Variants in LMLN observed in about 807,000 individuals in gnomAD.
LMLN encodes the protein leishmanolysin like peptidase, also known as leishmanolysin-like peptidase.
In LMLN, 70 loss-of-function variants were observed where a neutral mutation model predicts 92.3. The observed-to-expected ratio is 0.76, with a 90% CI of 0.63 to 0.92. The LOEUF (loss-of-function observed/expected upper bound fraction) is 0.92, where lower values mean the gene tolerates loss of function less well. Ranked by LOEUF, LMLN falls within the 40% of genes least tolerant of loss-of-function variation. LMLN has a pLI of 0.00. For synonymous variants in LMLN, 308 were observed against 296.2 expected (o/e 1.04, Z -0.41); for missense variants, 691 against 814.6 (o/e 0.85, Z 1.85).
At chr3:198,020,866 G>A (rs186772394) in intron 12 of LMLN, among the ~76,000 whole-genome samples, 1 of 126,478 alleles carries the variant, frequency 7.9e-6, no homozygotes, top group South Asian at 2.6e-4. Flanking sequence ...CAGGTGATCC[G>A]CCCACCTCAG....
chr3:198,024,521 A>T, intron 13 of LMLN, 137 bp from the exon 15 acceptor site: 1 of 800,888 alleles, frequency 1.2e-6, no homozygotes, highest in Non-Finnish European at 1.8e-6. Context: ...AGCCTACCCT[A>T]ATTTTTTAAA....
At chr3:198,030,729 A>G (rs1338853951) in intron 14 of LMLN, among the ~76,000 whole-genome samples, 1 of 152,086 alleles carries the variant, frequency 6.6e-6, no homozygotes, top group Non-Finnish European at 1.5e-5. Flanking sequence ...TTTGTGTCAT[A>G]TTCTTTTTTG....
intron 5 of LMLN, among the ~76,000 whole-genome samples, chr3:197,980,039 T>C (rs1462878878): frequency 6.6e-6 from 1 of 152,226 alleles, no homozygotes; most frequent in African/African-American, 2.4e-5. Flanking sequence ...TTTATATTTC[T>C]GTCTTTTCAG....
Position 198,023,029 on chromosome 3 carries a change from A to C in LMLN, c.1525+1424A>C, listed in dbSNP as rs73894248. Among the ~76,000 whole-genome samples, 253 of 152,258 alleles carry C rather than the reference A, an allele frequency of 1.7e-3. 1 individual carries two copies. The highest frequency in any genetic ancestry group is 5.6e-3 in the African/African-American group (234 of 41,536). On this transcript the variant is annotated intron_variant, in intron 13 of 15. Coordinates refer to ENST00000330198, the Ensembl canonical transcript of LMLN. ...GGCAAACGTTTTTTGTTAACGGGGA[A>C]AATTATAAATATCTGGGGCTTTGTG...
Position 198,005,695 on chromosome 3 carries a change from C to T in LMLN, c.1232+6353C>T, listed in dbSNP as rs573797188. ...TGTTGCCCAGGCTGGAGTGCAGTGG[C>T]GCAGTCTCAGCTCACTGCAACCTCT... is the stretch of plus-strand genomic sequence containing the variant. On this transcript the variant is annotated intron_variant, in intron 11 of 15. Transcript: ENST00000330198. 1.3e-3 allele frequency among the ~76,000 whole-genome samples: 192 copies of T among 148,920 alleles called. 1 individual carries two copies. The Middle Eastern group carries it at 0.014, about 11-fold the overall frequency.
rs545946649 is a variant in LMLN, at chr3:198,027,356, T to G, written c.1656+2568T>G. On this transcript the variant is annotated intron_variant, in intron 14 of 15. Transcript: ENST00000330198. ...GAGAAAGGGAGGGATCACTGGGCTTTTTTTTCTTAAAATTGTGGCAAAATA... is the reference window on the plus strand; with the variant it reads ...GAGAAAGGGAGGGATCACTGGGCTTGTTTTTCTTAAAATTGTGGCAAAATA... Among the ~76,000 whole-genome samples, 10 of 152,286 alleles carry G rather than the reference T, an allele frequency of 6.6e-5. No individual in the cohort carries two copies. In the South Asian group the frequency reaches 2.1e-3, roughly 32 times the overall value.
At chr3:198,041,718 ATAATC>A (rs2109968051) in exon 16 of LMLN, 1 of 152,326 alleles carries the variant, frequency 6.6e-6, no homozygotes, top group Admixed American at 6.5e-5. Flanking sequence ...GAAACTTACA[ATAATC>A]TAAACATATA....
chr3:197,997,043 T>TTCTTC (rs1445817032), intron 10 of LMLN, among the ~76,000 whole-genome samples: 6 of 150,596 alleles, frequency 4.0e-5, no homozygotes, highest in African/African-American at 1.5e-4. Flanking sequence ...TTCTTTTCTT[T>TTCTTC]CTTTCTTTCC....
chr3:198,017,800 C>A (rs144177282), intron 11 of LMLN, among the ~76,000 whole-genome samples: 1 of 152,048 alleles, frequency 6.6e-6, no homozygotes, highest in Non-Finnish European at 1.5e-5. Context: ...ACCTGTAGTC[C>A]GAGCTACTTG....
rs10679322 is a variant in LMLN at position 198,035,361 on chromosome 3, G to GTTTT, written c.1657-455_1657-452dup. Among the ~76,000 whole-genome samples the GTTTT allele has an allele frequency of 1.3e-3, 156 of 117,682 alleles. 2 individuals are homozygous for GTTTT. Among genetic ancestry groups the GTTTT allele is most frequent in the African/African-American group, 4.3e-3 (122 of 28,090 alleles). The allele number at this position is 117,682 out of a possible 152,430, so 77.2% of individuals were successfully genotyped here. ...TTAGGACCTAAATAACCCTCTTTTGGTTTTTTTTTTTTTTTTTTTTGACAC... is the reference window on the plus strand; with the variant it reads ...TTAGGACCTAAATAACCCTCTTTTGGTTTTTTTTTTTTTTTTTTTTTTTTGACAC... On this transcript the variant is annotated intron_variant, in intron 14 of 15. Coordinates refer to ENST00000330198, the Ensembl canonical transcript of LMLN.
chr3:197,976,412 T>C, intron 4 of LMLN, 186 bp from the exon 5 acceptor site: 1 of 526,496 alleles, frequency 1.9e-6, no homozygotes, highest in Non-Finnish European at 3.5e-6. Flanking sequence ...AGTATTTGGG[T>C]GTTTAAAAAC....
chr3:197,960,661 TAGC>T (rs1720839272), intron 1 of LMLN, among the ~76,000 whole-genome samples: 1 of 152,148 alleles, frequency 6.6e-6, no homozygotes, highest in African/African-American at 2.4e-5. Context: ...GGGTTGTGCT[TAGC>T]AGTAGCCCTC....
chr3:197,977,009 A>G (rs1217082640), intron 5 of LMLN, among the ~76,000 whole-genome samples: 1 of 152,232 alleles, frequency 6.6e-6, no homozygotes, highest in African/African-American at 2.4e-5. Flanking sequence ...CAAGGCATAT[A>G]TCTCAGTTTG....
intron 11 of LMLN, among the ~76,000 whole-genome samples, chr3:198,017,693 C>T (rs1184558307): frequency 1.3e-5 from 2 of 152,060 alleles, no homozygotes; most frequent in Non-Finnish European, 2.9e-5. Flanking sequence ...CAGAGGTGGG[C>T]AGATCACGAG....
At chr3:198,010,828 C>T (rs1416043502) in intron 11 of LMLN, among the ~76,000 whole-genome samples, 1 of 152,272 alleles carries the variant, frequency 6.6e-6, no homozygotes, top group East Asian at 1.9e-4. Context: ...CTATTTGTTG[C>T]TATAAATTTT....
chr3:198,020,778 T>G (rs1164165199), intron 12 of LMLN, among the ~76,000 whole-genome samples: 2 of 131,058 alleles, frequency 1.5e-5, no homozygotes, highest in African/African-American at 5.9e-5. Context: ...ATTTTTTTTT[T>G]TTTTTTTTTT....
chr3:198,036,977 T>C (rs1220446273), intron 15 of LMLN, among the ~76,000 whole-genome samples: 1 of 152,294 alleles, frequency 6.6e-6, no homozygotes, highest in East Asian at 1.9e-4. Flanking sequence ...AGTCAAAGTT[T>C]CTCCACCTCT....
At chr3:197,993,255 A>G (rs1721925905) in intron 9 of LMLN, among the ~76,000 whole-genome samples, 1 of 152,180 alleles carries the variant, frequency 6.6e-6, no homozygotes, top group Non-Finnish European at 1.5e-5. Flanking sequence ...ATTGGAAGTC[A>G]TCGCAAGAGC....
intron 13 of LMLN, among the ~76,000 whole-genome samples, chr3:198,023,925 T>C (rs908482996): frequency 2.0e-5 from 3 of 152,206 alleles, no homozygotes; most frequent in African/African-American, 7.2e-5. Flanking sequence ...GTTGAAGATA[T>C]AAGAAAGTTT....
Sources: gnomAD v4.1 joint callset for allele counts (sites outside exome capture counted in the v4.1 genomes callset) on GRCh38, gnomAD v4.1.1 for gene constraint, MANE v1.5 for transcripts, NCBI Gene and HGNC (gene_info 2026-07-23, HGNC 2026-07-21) for gene names.